AQP2: variants seen among roughly 807,000 people sequenced by gnomAD.
The protein encoded by AQP2 is aquaporin-2.
In AQP2, 20 loss-of-function variants were observed where a neutral mutation model predicts 21.6. That is an observed-to-expected ratio of 0.92 (90% CI 0.65 to 1.34). The LOEUF is 1.34. AQP2 is among the 40% of genes most tolerant of loss of function. The pLI, the probability that AQP2 is intolerant of heterozygous loss-of-function variation, is 0.00. For missense variants in AQP2, 325 were observed against 363.4 expected, an observed-to-expected ratio of 0.89 and a Z score of 0.86; for synonymous variants, 168 against 166.9, an observed-to-expected ratio of 1.01 and a Z score of -0.05.
Position 49,955,536 on chromosome 12 carries a change from G to T in AQP2, c.744G>T (p.Glu248Asp), listed in dbSNP as rs1947361636. ...KGLEPDTDWEEREVRRRQSVE... is the reference protein window; with the variant it reads ...KGLEPDTDWEDREVRRRQSVE... Reference sequence around the variant, plus strand: ...TGGAGCCGGACACCGATTGGGAGGAGCGCGAGGTGCGACGGCGGCAGTCGG... The same window carrying T: ...TGGAGCCGGACACCGATTGGGAGGATCGCGAGGTGCGACGGCGGCAGTCGG... Residue 248 changes from glutamate (E) to aspartate (D), a missense_variant, in exon 4 of 4, where the codon GAG (glutamate) becomes GAT (aspartate). By Grantham distance (45) the Glu-to-Asp change is conservative (BLOSUM62 2). Transcript: ENST00000199280. The T allele has an allele frequency of 6.2e-7, 1 of 1,609,944 alleles. No individual in the cohort carries two copies. Among genetic ancestry groups the T allele is most frequent in the African/African-American group, 1.3e-5 (1 of 74,890 alleles).
At chr12:49,955,114 A>C (rs1003045478) in intron 3 of AQP2, among the ~76,000 whole-genome samples, 1 of 152,168 alleles carries the variant, frequency 6.6e-6, no homozygotes, top group Non-Finnish European at 1.5e-5. Context: ...ACATTCTTAG[A>C]GTGAAAGGCA....
rs1299507256 is a variant in AQP2 at position 49,955,774 on chromosome 12, A to G, written c.*166A>G. 1.1e-5 allele frequency: 10 copies of G among 943,782 alleles called. No homozygotes were observed. Among genetic ancestry groups the G allele is most frequent in the Non-Finnish European group, 1.6e-5 (10 of 609,228 alleles). 58.5% of individuals were successfully genotyped at this position (943,782 alleles called of 1,614,324 possible). A position where few individuals can be genotyped will look rare whatever the true frequency, so the allele number is the denominator to read the frequency against. On this transcript the variant is annotated 3_prime_UTR_variant, in exon 4 of 4. Transcript: ENST00000199280. The stretch of plus-strand genomic sequence containing the variant: ...CCAGTGCTGTGAGCAGGCGGGGAGG[A>G]GGCTGCCGGAGGGAGCCCTGAGCCT...
chr12:49,955,489 C>A lies in AQP2; in HGVS notation c.697C>A (p.Arg233Ser). Reference sequence around the variant, plus strand: ...TCCGCCAGCCAAGAGCCTGTCGGAGCGCCTGGCAGTGCTGAAGGGCCTGGA... The same window carrying A: ...TCCGCCAGCCAAGAGCCTGTCGGAGAGCCTGGCAGTGCTGAAGGGCCTGGA... ...LFPPAKSLSERLAVLKGLEPD... is the reference protein window; with the variant it reads ...LFPPAKSLSESLAVLKGLEPD... Residue 233 changes from arginine to serine, a missense_variant, in exon 4 of 4, where the codon CGC becomes AGC. Physicochemically the swap from Arg to Ser is moderately radical, Grantham distance 110. Coordinates refer to ENST00000199280, the MANE Select transcript of AQP2 (RefSeq NM_000486.6). 6.2e-7 allele frequency: 1 copy of A among 1,612,832 alleles called. No homozygotes were observed. The highest frequency in any genetic ancestry group is 8.5e-7 in the Non-Finnish European group (1 of 1,179,842).
At position 49,950,896 on chromosome 12, in the gene AQP2, C is replaced by G; in HGVS notation, c.66C>G (p.Leu22=). The change falls in exon 1 of 4, where the codon CTC becomes CTG. Residue 22 remains leucine, a synonymous_variant. Transcript: ENST00000199280. ...AVFAEFLATL[L]FVFFGLGSAL... ...TCGCAGAGTTCCTGGCCACACTCCTCTTCGTCTTCTTTGGCCTCGGCTCTG... is the reference window on the plus strand; with the variant it reads ...TCGCAGAGTTCCTGGCCACACTCCTGTTCGTCTTCTTTGGCCTCGGCTCTG... 1.2e-6 allele frequency: 2 copies of G among 1,614,032 alleles called. No individual in the cohort carries two copies. The highest frequency in any genetic ancestry group is 1.7e-6 in the Non-Finnish European group (2 of 1,179,860).
At chr12:49,951,507 T>G in intron 1 of AQP2, 1 of 375,970 alleles carries the variant, frequency 2.7e-6, no homozygotes, top group South Asian at 7.2e-5. Flanking sequence ...TCAGCAGGGG[T>G]TGGTGTCCCG....
At position 49,953,706 on chromosome 12, in the gene AQP2, G is replaced by C. The variant is rs539047775; in HGVS notation, c.361-449G>C. On this transcript the variant is annotated intron_variant, in intron 1 of 3. Transcript: ENST00000199280. ...TGTCTCTGGGAGCCATTTAACCTCAGGAAGAAAGACCACAGGCCTCTCATT... is the reference window on the plus strand; with the variant it reads ...TGTCTCTGGGAGCCATTTAACCTCACGAAGAAAGACCACAGGCCTCTCATT... Among the ~76,000 whole-genome samples, 5 of 152,342 alleles carry C rather than the reference G, an allele frequency of 3.3e-5. No individual in the cohort carries two copies. In the South Asian group the frequency reaches 1.0e-3, roughly 32 times the overall value.
chr12:49,952,964 T>C (rs975732179), intron 1 of AQP2, among the ~76,000 whole-genome samples: 1 of 152,210 alleles, frequency 6.6e-6, no homozygotes, highest in Non-Finnish European at 1.5e-5. Flanking sequence ...GTTCCCCCTA[T>C]GGTGAGTGGC....
intron 2 of AQP2, 40 bp from the exon 3 acceptor site, chr12:49,954,590 T>C (rs758263645): frequency 1.2e-6 from 2 of 1,608,138 alleles, no homozygotes; most frequent in Non-Finnish European, 8.5e-7. Context: ...TGCCCTGTCC[T>C]CACCTCCCTT....
chr12:49,952,695 G>A (rs954195954), intron 1 of AQP2, among the ~76,000 whole-genome samples: 3 of 152,198 alleles, frequency 2.0e-5, no homozygotes, highest in African/African-American at 4.8e-5. Flanking sequence ...GTCTGGGAGG[G>A]CTCCTCCATG....
chr12:49,955,613 C>T lies in AQP2; in HGVS notation c.*5C>T, dbSNP rs879264589. On this transcript the variant is annotated 3_prime_UTR_variant, in exon 4 of 4. Coordinates refer to ENST00000199280, the MANE Select transcript of AQP2 (RefSeq NM_000486.6). ...CCACGGGGTACCAAGGCCTGAGGGC[C>T]GCCAGCGGCCTCTACGGCCCCGACG... 9 of 1,551,948 alleles carry T rather than the reference C, an allele frequency of 5.8e-6. No individual in the cohort carries two copies. Among genetic ancestry groups the T allele is most frequent in the South Asian group, 1.2e-5 (1 of 85,592 alleles).
rs1365398150 is a variant in AQP2 at position 49,950,840 on chromosome 12, C to G, written c.10C>G (p.Leu4Val). ...CGCAGGGCTCTGCAGCATGTGGGAG[C>G]TCCGCTCCATAGCCTTCTCCAGGGC... The part of the protein sequence containing the change: MWE[L>V]RSIAFSRAVF... The change falls in exon 1 of 4, where the codon CTC becomes GTC. Residue 4 changes from leucine (L) to valine (V), a missense_variant. Transcript: ENST00000199280. The G allele has an allele frequency of 1.9e-6, 3 of 1,611,966 alleles. No individual in the cohort carries two copies. The African/African-American group carries it at 4.0e-5, about 22-fold the overall frequency.
chr12:49,957,472 A>T lies in AQP2; in HGVS notation c.*1864A>T, dbSNP rs1350595895. On this transcript the variant is annotated 3_prime_UTR_variant, in exon 4 of 4. Coordinates refer to ENST00000199280, the MANE Select transcript of AQP2 (RefSeq NM_000486.6). Reference sequence around the variant, plus strand: ...GTATCTATCTCACACTGCACCAAGCACCCACTGTGCACCAGGCACTAAGTC... The same window carrying T: ...GTATCTATCTCACACTGCACCAAGCTCCCACTGTGCACCAGGCACTAAGTC... 6.6e-6 allele frequency: 1 copy of T among 152,174 alleles called. No individual in the cohort carries two copies. Among genetic ancestry groups the T allele is most frequent in the Non-Finnish European group, 1.5e-5 (1 of 68,138 alleles). The allele number at this position is 152,174 out of a possible 1,614,324, so 9.4% of individuals were successfully genotyped here.
At chr12:49,952,175 C>A (rs1222075609) in intron 1 of AQP2, 3 of 152,322 alleles carry the variant, frequency 2.0e-5, no homozygotes, top group African/African-American at 7.2e-5. Flanking sequence ...ATTGCCCAGG[C>A]TGGAGTGCAA....
intron 3 of AQP2, 46 bp from the exon 4 acceptor site, chr12:49,955,353 C>A: frequency 1.3e-6 from 2 of 1,590,662 alleles, no homozygotes; most frequent in East Asian, 2.3e-5. Flanking sequence ...GCTCCGCGTG[C>A]CGGTGCCGGC....
chr12:49,952,803 G>A lies in AQP2; in HGVS notation c.361-1352G>A, dbSNP rs114515070. Among the ~76,000 whole-genome samples the A allele has an allele frequency of 4.1e-3, 621 of 152,306 alleles. 1 individual carries two copies. The highest frequency in any genetic ancestry group is 0.014 in the African/African-American group (572 of 41,570). ...CCAACTTGCTCTGAGGCTAAGGAGA[G>A]CCAGATGACCCTCAAGACAATCCCA... On this transcript the variant is annotated intron_variant, in intron 1 of 3. Coordinates refer to ENST00000199280, the MANE Select transcript of AQP2 (RefSeq NM_000486.6).
At position 49,957,290 on chromosome 12, in the gene AQP2, C is replaced by T. The variant is rs1009532930; in HGVS notation, c.*1682C>T. 6.6e-6 allele frequency: 1 copy of T among 152,298 alleles called. No individual in the cohort carries two copies. The highest frequency in any genetic ancestry group is 2.4e-5 in the African/African-American group (1 of 41,432). The allele number at this position is 152,298 out of a possible 1,614,324, so 9.4% of individuals were successfully genotyped here. Reference sequence around the variant, plus strand: ...ACCTCTTCTTACCCTGAATGTGTGCCCTATCTTTTCTCCCACCTCCTTCCT... The same window carrying T: ...ACCTCTTCTTACCCTGAATGTGTGCTCTATCTTTTCTCCCACCTCCTTCCT... On this transcript the variant is annotated 3_prime_UTR_variant, in exon 4 of 4. Transcript: ENST00000199280.
chr12:49,952,766 G>T (rs772081270), intron 1 of AQP2, among the ~76,000 whole-genome samples: 35 of 152,172 alleles, frequency 2.3e-4, no homozygotes, highest in Non-Finnish European at 4.7e-4. Flanking sequence ...ATGGAATGGG[G>T]CAGTGGTGGG....
At chr12:49,954,786 G>C (rs1177002010) in intron 3 of AQP2, 76 bp downstream of exon 3, 14 of 1,514,952 alleles carry the variant, frequency 9.2e-6, no homozygotes, top group Non-Finnish European at 1.2e-5. Flanking sequence ...GGAATAGCAT[G>C]GGATGGGGGC....
chr12:49,955,000 A>C (rs949000848), intron 3 of AQP2, among the ~76,000 whole-genome samples: 8 of 152,150 alleles, frequency 5.3e-5, no homozygotes, highest in Admixed American at 2.0e-4. Flanking sequence ...AGAACTCTAT[A>C]AGTGGTAGTA....
Sources: gnomAD v4.1 joint callset for allele counts (sites outside exome capture counted in the v4.1 genomes callset) on GRCh38, gnomAD v4.1.1 for gene constraint, MANE v1.5 for transcripts, NCBI Gene and HGNC (gene_info 2026-07-23, HGNC 2026-07-21) for gene names.